TBL1X: variants seen among roughly 807,000 people sequenced by gnomAD.
The protein encoded by TBL1X is transducin beta like 1 X-linked, also known as F-box-like/WD repeat-containing protein TBL1X.
TBL1X carries 10 observed loss-of-function variants against 50.7 expected under a neutral mutation model. That is an observed-to-expected ratio of 0.20 (90% CI 0.12 to 0.33). The LOEUF is 0.33. Ranked by LOEUF, TBL1X falls within the 10% of genes least tolerant of loss-of-function variation. The probability of loss-of-function intolerance (pLI) is 1.00; values close to 1 mark genes in which losing one functional copy is unlikely to be tolerated. For missense variants in TBL1X, 340 were observed against 504.4 expected, an observed-to-expected ratio of 0.67 and a Z score of 3.12; for synonymous variants, 190 against 214.7, an observed-to-expected ratio of 0.88 and a Z score of 1.01.
chrX:9,557,408 C>T (rs1178406078), intron 2 of TBL1X, among the ~76,000 whole-genome samples: 3 of 111,334 alleles, frequency 2.7e-5, no homozygotes, highest in South Asian at 3.8e-4. Context: ...TCTGTGTCAC[C>T]GTCCAGAGGC....
intron 2 of TBL1X, among the ~76,000 whole-genome samples, chrX:9,583,946 C>G (rs2147023940): frequency 8.9e-6 from 1 of 112,134 alleles, no homozygotes; most frequent in South Asian, 3.7e-4. Context: ...AAGACATGAA[C>G]AGTTTTCTTA....
intron 2 of TBL1X, among the ~76,000 whole-genome samples, chrX:9,542,910 A>G (rs1206027979): frequency 8.9e-6 from 1 of 112,190 alleles, no homozygotes; most frequent in African/African-American, 3.2e-5. Flanking sequence ...GAGAGGGAAG[A>G]ATTGGCCTCG....
intron 2 of TBL1X, among the ~76,000 whole-genome samples, chrX:9,524,663 T>C (rs1297865276): frequency 8.9e-6 from 1 of 112,692 alleles, no homozygotes; most frequent in Non-Finnish European, 1.9e-5. Context: ...TTGACTGTTG[T>C]GAATAATGCT....
rs1022254829 is a variant in TBL1X, at chrX:9,539,738, C to T, written c.-131+37889C>T. On this transcript the variant is annotated intron_variant, in intron 2 of 17. Coordinates refer to ENST00000645353, the MANE Select transcript of TBL1X (RefSeq NM_005647.4). ...CCCACGTCATCCTCGTCTTTGTAGT[C>T]CTGCACCTGGCACAGAGCCTGGCAC... 1.2e-4 allele frequency among the ~76,000 whole-genome samples: 13 copies of T among 111,986 alleles called. No individual in the cohort carries two copies. In the South Asian group the frequency reaches 1.5e-3, roughly 13 times the overall value.
rs1265259236 is a variant in TBL1X at position 9,684,173 on chromosome X, G to A, written c.342G>A (p.Glu114=). Residue 114 remains glutamate, a synonymous_variant, in exon 6 of 18, where the codon GAG becomes GAA. Transcript: ENST00000645353. ...AGGGCCTGCAGTATGTAGAGGCCGA[G>A]ATCAGTATCAACGAGGTACGTAGCT... ...LQKGLQYVEA[E]ISINEDGTVF... The A allele has an allele frequency of 8.3e-7, 1 of 1,210,326 alleles. No homozygotes were observed. The highest frequency in any genetic ancestry group is 1.7e-5 in the African/African-American group (1 of 57,241).
In TBL1X at chrX:9,506,308, A is replaced by G. The variant is rs778145856; in HGVS notation, c.-131+4459A>G. ...CTGGGACACAGCTAAAGCAGTGTTA[A>G]TAGGGAAATTTTGCACTAAATGCCC... On this transcript the variant is annotated intron_variant, in intron 2 of 17. Coordinates refer to ENST00000645353, the MANE Select transcript of TBL1X (RefSeq NM_005647.4). Among the ~76,000 whole-genome samples, 47 of 111,931 alleles carry G rather than the reference A, an allele frequency of 4.2e-4. No homozygotes were observed. The East Asian group carries it at 5.6e-3, about 13-fold the overall frequency.
chrX:9,682,349 G>T (rs1020177080), intron 5 of TBL1X, among the ~76,000 whole-genome samples: 2 of 112,309 alleles, frequency 1.8e-5, no homozygotes, highest in Non-Finnish European at 3.8e-5. Flanking sequence ...GCGTCCTTTG[G>T]AACCTAATGT....
chrX:9,629,357 T>G (rs2082708936), intron 2 of TBL1X, among the ~76,000 whole-genome samples: 1 of 112,457 alleles, frequency 8.9e-6, no homozygotes, highest in Non-Finnish European at 1.9e-5. Context: ...AAGTCCAAGA[T>G]CCTTGCTATT....
chrX:9,546,887 C>T (rs199899172), intron 2 of TBL1X, among the ~76,000 whole-genome samples: 2 of 85,045 alleles, frequency 2.4e-5, no homozygotes, highest in African/African-American at 4.5e-5. Context: ...GGCGCGATCT[C>T]GGCTCACTGC....
chrX:9,586,056 C>T (rs1285387080), intron 2 of TBL1X, among the ~76,000 whole-genome samples: 1 of 112,232 alleles, frequency 8.9e-6, no homozygotes, highest in East Asian at 2.8e-4. Flanking sequence ...TTGGAAGGAT[C>T]ATAAACAGGT....
rs1178516418 is a variant in TBL1X, at chrX:9,684,186, G to A, written c.355G>A (p.Glu119Lys). 11 of 1,210,083 alleles carry A rather than the reference G, an allele frequency of 9.1e-6. No homozygotes were observed. The highest frequency in any genetic ancestry group is 5.9e-5 in the East Asian group (2 of 33,766). ...QYVEAEISIN[E>K]DGTVFDGRPI... Reference sequence around the variant, plus strand: ...TGTAGAGGCCGAGATCAGTATCAACGAGGTACGTAGCTGCTGGGCCCGGCC... The same window carrying A: ...TGTAGAGGCCGAGATCAGTATCAACAAGGTACGTAGCTGCTGGGCCCGGCC... The change falls in exon 6 of 18, where the codon GAG becomes AAG. Residue 119 changes from glutamate to lysine, a missense_variant and splice_region_variant. Transcript: ENST00000645353.
intron 12 of TBL1X, among the ~76,000 whole-genome samples, chrX:9,702,995 C>T (rs1270424782): frequency 2.7e-5 from 3 of 111,598 alleles, no homozygotes; most frequent in Admixed American, 9.5e-5. Context: ...CTCTCTGCCC[C>T]GTAAGGCATT....
intron 8 of TBL1X, 35 bp from the exon 9 acceptor site, chrX:9,692,078 C>G: frequency 8.3e-7 from 1 of 1,211,104 alleles, no homozygotes; most frequent in Non-Finnish European, 1.1e-6. Flanking sequence ...CCATTTGAAC[C>G]AAACACCAGA....
At chrX:9,485,148 CCA>C (rs1466247204) in intron 1 of TBL1X, among the ~76,000 whole-genome samples, 1 of 110,718 alleles carries the variant, frequency 9.0e-6, no homozygotes, top group Admixed American at 9.6e-5. Flanking sequence ...GGCCCCATCC[CCA>C]GAGTTTGTGA....
intron 16 of TBL1X, among the ~76,000 whole-genome samples, chrX:9,712,729 T>C (rs2083255200): frequency 8.9e-6 from 1 of 111,733 alleles, no homozygotes; most frequent in Non-Finnish European, 1.9e-5. Context: ...GGACATAGGA[T>C]TTAAATAAAG....
chrX:9,532,541 G>T (rs1355143108), intron 2 of TBL1X, among the ~76,000 whole-genome samples: 2 of 111,130 alleles, frequency 1.8e-5, no homozygotes, highest in African/African-American at 3.3e-5. Flanking sequence ...CTGGCACTGG[G>T]CCCGCGGGCT....
intron 2 of TBL1X, among the ~76,000 whole-genome samples, chrX:9,609,291 C>T (rs1417055934): frequency 9.1e-6 from 1 of 109,626 alleles, no homozygotes; most frequent in African/African-American, 3.3e-5. Context: ...ATAAACCCAC[C>T]CCTAGAAGTT....
chrX:9,477,321 T>C lies in TBL1X; in HGVS notation c.-201+11874T>C, dbSNP rs562386549. 3.6e-5 allele frequency among the ~76,000 whole-genome samples: 4 copies of C among 112,072 alleles called. No individual in the cohort carries two copies. In the East Asian group the frequency reaches 8.4e-4, roughly 24 times the overall value. On this transcript the variant is annotated intron_variant, in intron 1 of 17. Transcript: ENST00000645353. ...ATGTTCAACCTTCTCTAATTTCCTGTTTTGTTTGCTTTTCCATTCAGTGTT... is the reference window on the plus strand; with the variant it reads ...ATGTTCAACCTTCTCTAATTTCCTGCTTTGTTTGCTTTTCCATTCAGTGTT...
chrX:9,563,563 CT>C (rs2082334019), intron 2 of TBL1X, among the ~76,000 whole-genome samples: 2 of 112,452 alleles, frequency 1.8e-5, no homozygotes, highest in Non-Finnish European at 3.8e-5. Flanking sequence ...TTGGCATAGT[CT>C]TTGGATTTGT....
Sources: gnomAD v4.1 joint callset for allele counts (sites outside exome capture counted in the v4.1 genomes callset) on GRCh38, gnomAD v4.1.1 for gene constraint, MANE v1.5 for transcripts, NCBI Gene and HGNC (gene_info 2026-07-23, HGNC 2026-07-21) for gene names.